SPTA1: variants seen among roughly 807,000 people sequenced by gnomAD.
SPTA1 encodes the protein spectrin alpha, erythrocytic 1.
SPTA1 carries 177 observed loss-of-function variants against 324.7 expected under a neutral mutation model. That is an observed-to-expected ratio of 0.55 (90% CI 0.48 to 0.62). SPTA1 has a LOEUF of 0.62. Among genes scored for constraint, SPTA1 ranks in the 20% least tolerant of loss-of-function variants. The pLI, the probability that SPTA1 is intolerant of heterozygous loss-of-function variation, is 0.00. For missense variants in SPTA1, 3,162 were observed against 2,883.6 expected (o/e 1.10, Z -2.21); for synonymous variants, 1,195 against 1,041.3 (o/e 1.15, Z -2.84).
At chr1:158,627,125 G>T in intron 40 of SPTA1, 118 bp from the exon 41 acceptor site, 2 of 1,342,244 alleles carry the variant, frequency 1.5e-6, no homozygotes, top group Non-Finnish European at 1.0e-6. Flanking sequence ...AAGTGTGACC[G>T]TCTTAGTTTG....
intron 34 of SPTA1, 42 bp downstream of exon 34, chr1:158,639,828 G>A: frequency 6.2e-7 from 1 of 1,613,564 alleles, no homozygotes; most frequent in Non-Finnish European, 8.5e-7. Context: ...TGACAAGTAT[G>A]TATTAAACTC....
intron 18 of SPTA1, among the ~76,000 whole-genome samples, chr1:158,659,977 A>G (rs1653101797): frequency 6.6e-6 from 1 of 152,044 alleles, no homozygotes; most frequent in South Asian, 2.1e-4. Flanking sequence ...AGAGACCCTA[A>G]AAGGACTCCA....
chr1:158,619,441 AC>A (rs1649771702), intron 44 of SPTA1, 107 bp from the exon 45 acceptor site: 4 of 1,084,654 alleles, frequency 3.7e-6, no homozygotes, highest in Non-Finnish European at 5.7e-6. Context: ...CTCAAGTCTA[AC>A]CTATCTTCCA....
chr1:158,626,722 G>T, intron 41 of SPTA1, 117 bp downstream of exon 41: 1 of 1,266,996 alleles, frequency 7.9e-7, no homozygotes, highest in Non-Finnish European at 1.1e-6. Context: ...GATAGGAATG[G>T]GTAGTGATGG....
intron 2 of SPTA1, among the ~76,000 whole-genome samples, chr1:158,683,697 C>T (rs1015768364): frequency 2.6e-5 from 4 of 151,946 alleles, no homozygotes; most frequent in African/African-American, 4.8e-5. Context: ...TGATCTATGC[C>T]GAGCCTTATT....
chr1:158,644,170 A>T, intron 30 of SPTA1, 83 bp downstream of exon 30: 1 of 1,554,820 alleles, frequency 6.4e-7, no homozygotes, highest in Non-Finnish European at 8.8e-7. Context: ...ATGTTTATAA[A>T]TTATAAAACC....
In SPTA1 at chr1:158,678,423, C is replaced by A. The variant is rs758807774; in HGVS notation, c.790G>T (p.Ala264Ser). 1.2e-6 allele frequency: 2 copies of A among 1,613,664 alleles called. No homozygotes were observed. Among genetic ancestry groups the A allele is most frequent in the Non-Finnish European group, 1.7e-6 (2 of 1,179,706 alleles). The change falls in exon 6 of 52, where the codon GCA becomes TCA. Residue 264 changes from alanine to serine, a missense_variant. Ala to Ser is a moderately conservative substitution (Grantham distance 99). Coordinates refer to ENST00000643759, the MANE Select transcript of SPTA1 (RefSeq NM_003126.4). Reference sequence around the variant, plus strand: ...TACCTTTTGAATCGTTGTAAGTTTGCAGCATTGGACAGAGCTTTCTGTCTC... The same window carrying A: ...TACCTTTTGAATCGTTGTAAGTTTGAAGCATTGGACAGAGCTTTCTGTCTC... ...LQRQKALSNA[A>S]NLQRFKRDVT...
At chr1:158,670,971 AC>A (rs1295630503) in intron 12 of SPTA1, among the ~76,000 whole-genome samples, 2 of 151,876 alleles carry the variant, frequency 1.3e-5, no homozygotes, top group South Asian at 2.1e-4. Context: ...ATAAAACAAA[AC>A]CATACACTTC....
chr1:158,678,309 A>G, intron 6 of SPTA1, 92 bp downstream of exon 6: 1 of 1,555,818 alleles, frequency 6.4e-7, no homozygotes, highest in South Asian at 1.1e-5. Context: ...TTGACCATTA[A>G]TTGCTAACAG....
At chr1:158,652,360 G>A (rs914305668) in intron 23 of SPTA1, 107 bp downstream of exon 23, 11 of 1,300,794 alleles carry the variant, frequency 8.5e-6, no homozygotes, top group African/African-American at 7.3e-5. Context: ...CAATAGCTTT[G>A]GGGAGAATAT....
At chr1:158,655,397 CA>C (rs779596514) in intron 20 of SPTA1, among the ~76,000 whole-genome samples, 3 of 151,760 alleles carry the variant, frequency 2.0e-5, no homozygotes, top group Non-Finnish European at 2.9e-5. Flanking sequence ...TCTGAGAAAT[CA>C]AGCAAAACAT....
rs568355449 is a variant in SPTA1 at position 158,682,200 on chromosome 1, G to T, written c.391-533C>A. Among the ~76,000 whole-genome samples, 37 of 152,282 alleles carry T rather than the reference G, an allele frequency of 2.4e-4. No homozygotes were observed. In the South Asian group the frequency reaches 6.8e-3, roughly 28 times the overall value. On this transcript the variant is annotated intron_variant, in intron 3 of 51. Coordinates refer to ENST00000643759, the MANE Select transcript of SPTA1 (RefSeq NM_003126.4). The stretch of plus-strand genomic sequence containing the variant: ...AATCTACAGAGGGCTTTGAATGCCA[G>T]ATTAACTCAGAACATTATGTATTAC...
chr1:158,676,914 G>C (rs1017600185), intron 7 of SPTA1, among the ~76,000 whole-genome samples: 6 of 152,044 alleles, frequency 3.9e-5, no homozygotes, highest in Non-Finnish European at 5.9e-5. Flanking sequence ...CAACTTATGG[G>C]TTTTATTATT....
intron 23 of SPTA1, among the ~76,000 whole-genome samples, chr1:158,651,909 C>G (rs857690): frequency 0.92 from 133,644 of 145,492 alleles, 61,727 homozygotes; most frequent in Middle Eastern, 0.97. Context: ...CTCTCTCTCT[C>G]TGTGTGTGTG....
intron 46 of SPTA1, 133 bp from the exon 47 acceptor site, chr1:158,617,721 AG>A: frequency 1.1e-6 from 1 of 914,592 alleles, no homozygotes; most frequent in Non-Finnish European, 1.8e-6. Flanking sequence ...AATTTCACAG[AG>A]CCAAATTTTC....
At chr1:158,628,683 A>G (rs926036858) in intron 39 of SPTA1, among the ~76,000 whole-genome samples, 3 of 152,208 alleles carry the variant, frequency 2.0e-5, no homozygotes, top group Admixed American at 6.5e-5. Context: ...TGCATGAAAT[A>G]AAGTATCTTT....
At chr1:158,622,250 G>T (rs1649962331) in intron 43 of SPTA1, among the ~76,000 whole-genome samples, 1 of 151,794 alleles carries the variant, frequency 6.6e-6, no homozygotes, top group Non-Finnish European at 1.5e-5. Context: ...ATATTTATAT[G>T]GAATTTTATA....
In SPTA1 at chr1:158,651,301, G is replaced by A. The variant is rs1652411929; in HGVS notation, c.3477+66C>T. The A allele has an allele frequency of 4.1e-6, 4 of 982,722 alleles. No individual in the cohort carries two copies. In the Admixed American group the frequency reaches 5.1e-5, roughly 12 times the overall value. The allele number at this position is 982,722 out of a possible 1,614,324, so 60.9% of individuals were successfully genotyped here. A position where few individuals can be genotyped will look rare whatever the true frequency, so the allele number is the denominator to read the frequency against. ...TCTGCAGAATATAAAGTTCCATGTT[G>A]AAGTGAAATGAGGACTCCCAAAGCC... On this transcript the variant is annotated intron_variant, in intron 24 of 51. Transcript: ENST00000643759.
chr1:158,670,063 T>C (rs1006558961), intron 12 of SPTA1, among the ~76,000 whole-genome samples: 4 of 152,242 alleles, frequency 2.6e-5, no homozygotes, highest in East Asian at 1.9e-4. Flanking sequence ...TGATTTATTC[T>C]TGTCTTCAAG....
Sources: allele counts gnomAD v4.1 joint callset (sites outside exome capture counted in the v4.1 genomes callset), GRCh38; gene constraint gnomAD v4.1.1; transcripts MANE v1.5; gene names NCBI Gene and HGNC (gene_info 2026-07-23, HGNC 2026-07-21).